Variants in OSBPL10 observed in about 807,000 individuals in gnomAD.
The protein encoded by OSBPL10 is oxysterol binding protein like 10, also known as oxysterol-binding protein-related protein 10.
A neutral mutation model predicts 81.7 loss-of-function variants in OSBPL10; 49 were observed. That is an observed-to-expected ratio of 0.60 (90% CI 0.48 to 0.76). The LOEUF is 0.76. OSBPL10 is among the 30% of genes least tolerant of loss of function. OSBPL10 has a pLI of 0.00. For missense variants in OSBPL10, 923 were observed against 987.8 expected (o/e 0.93, Z 0.88); for synonymous variants, 419 against 383.6 (o/e 1.09, Z -1.08).
chr3:31,837,586 T>G (rs888483527), intron 3 of OSBPL10, among the ~76,000 whole-genome samples: 1 of 150,650 alleles, frequency 6.6e-6, no homozygotes, highest in East Asian at 1.9e-4. Flanking sequence ...CACTGTTTCC[T>G]GGAAGCACTA....
At chr3:31,938,622 C>T (rs1339717786) in intron 1 of OSBPL10, among the ~76,000 whole-genome samples, 3 of 152,160 alleles carry the variant, frequency 2.0e-5, no homozygotes, top group Non-Finnish European at 2.9e-5. Flanking sequence ...GATCCTCCCA[C>T]CTCAGCCTAC....
At chr3:31,967,635 G>C (rs955428339) in intron 1 of OSBPL10, among the ~76,000 whole-genome samples, 2 of 151,962 alleles carry the variant, frequency 1.3e-5, no homozygotes, top group African/African-American at 4.8e-5. Flanking sequence ...ACTTAATAGG[G>C]AAAGGATAAA....
chr3:31,878,815 ATGTGTGTGTGTGTGTGTGTG>A (rs59233088), intron 2 of OSBPL10, among the ~76,000 whole-genome samples: 3 of 136,352 alleles, frequency 2.2e-5, no homozygotes, highest in Non-Finnish European at 4.8e-5. Context: ...CTGCGTGTCC[ATGTGTGTGTGTGTGTGTGTG>A]TGTGTGTGTG....
intron 2 of OSBPL10, among the ~76,000 whole-genome samples, chr3:32,006,992 T>C (rs1699212437): frequency 6.6e-6 from 1 of 152,172 alleles, no homozygotes; most frequent in African/African-American, 2.4e-5. Flanking sequence ...GATCTCAAAC[T>C]CCTAGCTTCA....
chr3:31,686,706 C>G (rs1017356430), intron 7 of OSBPL10, among the ~76,000 whole-genome samples: 3 of 152,118 alleles, frequency 2.0e-5, no homozygotes, highest in Non-Finnish European at 4.4e-5. Context: ...ATCTGGCTGT[C>G]CTAGGATCTT....
At chr3:32,059,246 C>T (rs1345866621) in intron 1 of OSBPL10, among the ~76,000 whole-genome samples, 2 of 148,360 alleles carry the variant, frequency 1.3e-5, no homozygotes, top group East Asian at 4.1e-4. Flanking sequence ...CAGTGAGCCA[C>T]GATCATGCCA....
intron 4 of OSBPL10, among the ~76,000 whole-genome samples, chr3:31,764,254 A>G (rs1265662767): frequency 6.6e-6 from 1 of 152,238 alleles, no homozygotes; most frequent in African/African-American, 2.4e-5. Context: ...TGAACTCACT[A>G]TAACGAATAT....
intron 4 of OSBPL10, among the ~76,000 whole-genome samples, chr3:31,792,995 T>G (rs566193163): frequency 2.8e-4 from 43 of 152,158 alleles, no homozygotes; most frequent in African/African-American, 9.9e-4. Context: ...ATCATTTGGA[T>G]ATCCTGGAAG....
chr3:31,956,058 C>T (rs1270945440), intron 1 of OSBPL10, among the ~76,000 whole-genome samples: 1 of 152,202 alleles, frequency 6.6e-6, no homozygotes, highest in Non-Finnish European at 1.5e-5. Flanking sequence ...AAACATGTAG[C>T]ATTGATCTTG....
At chr3:32,001,627 G>C (rs969664508) in intron 2 of OSBPL10, among the ~76,000 whole-genome samples, 7 of 152,106 alleles carry the variant, frequency 4.6e-5, no homozygotes, top group African/African-American at 1.7e-4. Context: ...AATTGGCATT[G>C]CTATGAGCAG....
chr3:31,998,084 G>T (rs1178820287), intron 2 of OSBPL10, among the ~76,000 whole-genome samples: 4 of 152,140 alleles, frequency 2.6e-5, no homozygotes, highest in Non-Finnish European at 4.4e-5. Context: ...GCCGTGCCCA[G>T]CTATAGCCTC....
chr3:31,699,113 T>C (rs1695813822), intron 7 of OSBPL10, among the ~76,000 whole-genome samples: 1 of 152,160 alleles, frequency 6.6e-6, no homozygotes, highest in South Asian at 2.1e-4. Flanking sequence ...GTAAAAATGG[T>C]CCTACACCTG....
intron 5 of OSBPL10, among the ~76,000 whole-genome samples, chr3:31,740,625 G>A (rs77734689): frequency 0.054 from 8,167 of 151,718 alleles, 404 homozygotes; most frequent in African/African-American, 0.13. Flanking sequence ...TTATGAAGCT[G>A]GGTATGGTGG....
intron 4 of OSBPL10, among the ~76,000 whole-genome samples, chr3:31,767,718 A>G (rs2125737870): frequency 6.6e-6 from 1 of 152,256 alleles, no homozygotes; most frequent in East Asian, 1.9e-4. Flanking sequence ...TAAGTGTTAA[A>G]TGAACCACTG....
At chr3:31,889,594 TA>T (rs530216346) in intron 1 of OSBPL10, among the ~76,000 whole-genome samples, 1,519 of 144,300 alleles carry the variant, frequency 0.011, 22 homozygotes, top group African/African-American at 0.033. Context: ...TATGGAAACT[TA>T]AAAAAAAAAA....
In OSBPL10 at chr3:31,856,734, G is replaced by C. The variant is rs11710909; in HGVS notation, c.537+19699C>G. ...TTTTATCAGGCTAGTGTATTGTTCA[G>C]TAAGATGTACGAGTTGAATGTAAGA... On this transcript the variant is annotated intron_variant, in intron 3 of 11. Transcript: ENST00000396556. Among the ~76,000 whole-genome samples the C allele has an allele frequency of 5.6e-3, 854 of 152,308 alleles. 5 individuals are homozygous for C. Among genetic ancestry groups the C allele is most frequent in the South Asian group, 0.014 (67 of 4,822 alleles).
chr3:31,922,569 G>C (rs548068976), intron 1 of OSBPL10, among the ~76,000 whole-genome samples: 10 of 152,094 alleles, frequency 6.6e-5, no homozygotes, highest in African/African-American at 2.4e-4. Context: ...AGTTAGCCTG[G>C]ATCGCACCAT....
In OSBPL10 at chr3:32,034,648, T is replaced by C. The variant is rs113621939; in HGVS notation, n.298+11843A>G. 2.5e-3 allele frequency among the ~76,000 whole-genome samples: 387 copies of C among 152,296 alleles called. 1 individual carries two copies. In the Middle Eastern group the frequency reaches 0.034, roughly 13 times the overall value. On this transcript the variant is annotated intron_variant and non_coding_transcript_variant, in intron 2 of 3. Coordinates refer to the OSBPL10 transcript ENST00000479173. ...GAAAATAAATAATTTTACTGCCCTGTACCTGCAAGGGAGATACTAATTTGT... is the reference window on the plus strand; with the variant it reads ...GAAAATAAATAATTTTACTGCCCTGCACCTGCAAGGGAGATACTAATTTGT...
intron 1 of OSBPL10, among the ~76,000 whole-genome samples, chr3:31,929,094 A>G (rs1575040212): frequency 2.6e-5 from 4 of 152,312 alleles, no homozygotes; most frequent in Admixed American, 2.6e-4. Context: ...GGTAGGTCAT[A>G]CATCATTGCC....
Sources: allele counts gnomAD v4.1 joint callset (sites outside exome capture counted in the v4.1 genomes callset), GRCh38; gene constraint gnomAD v4.1.1; transcripts MANE v1.5; gene names NCBI Gene and HGNC (gene_info 2026-07-23, HGNC 2026-07-21).